ARHGAP11A: variants seen among roughly 807,000 people sequenced by gnomAD.
ARHGAP11A encodes rho GTPase-activating protein 11A.
A neutral mutation model predicts 60.5 loss-of-function variants in ARHGAP11A; 36 were observed. The observed-to-expected ratio is 0.59, with a 90% CI of 0.46 to 0.79. The LOEUF is 0.79. Among genes scored for constraint, ARHGAP11A ranks in the 30% least tolerant of loss-of-function variants. The pLI is 0.00. For missense variants in ARHGAP11A, 1,071 were observed against 1,199.2 expected (o/e 0.89, Z 1.58); for synonymous variants, 362 against 415.5 (o/e 0.87, Z 1.57).
rs1249825061 is a variant in ARHGAP11A, at chr15:32,637,102, C to T, written c.2329C>T (p.Pro777Ser). 6 of 1,613,864 alleles carry T rather than the reference C, an allele frequency of 3.7e-6. No homozygotes were observed. Among genetic ancestry groups the T allele is most frequent in the Non-Finnish European group, 8.5e-7 (1 of 1,180,044 alleles). ...STCVVTNLSKPRPMRIAKQQS... is the reference protein window; with the variant it reads ...STCVVTNLSKSRPMRIAKQQS... ...ATGTGTTGTAACAAACTTGTCAAAA[C>T]CTAGGCCTATGAGAATTGCTAAACA... is the stretch of plus-strand genomic sequence containing the variant. The change falls in exon 12 of 12, where the codon CCT (proline) becomes TCT (serine). Residue 777 changes from proline to serine, a missense_variant. By Grantham distance (74) the Pro-to-Ser change is moderately conservative. This residue lies in a region of ARHGAP11A where 776 missense variants were observed against 760.2 expected (regional missense o/e 1.02). Coordinates refer to ENST00000361627, the MANE Select transcript of ARHGAP11A (RefSeq NM_014783.6).
intron 8 of ARHGAP11A, among the ~76,000 whole-genome samples, chr15:32,630,883 T>C (rs2053569478): frequency 6.6e-6 from 1 of 151,994 alleles, no homozygotes; most frequent in Admixed American, 6.6e-5. Flanking sequence ...TTTTTTTGAA[T>C]ATATCCTTTG....
Position 32,637,725 on chromosome 15 carries a change from G to T in ARHGAP11A, c.2952G>T (p.Gly984=). The part of the protein sequence containing the change: ...VVNNNMGISS[G]INNRVLRRPS... ...ATAACAACATGGGCATTTCTTCTGG[G>T]ATAAATAACAGGGTCCTTAGGAGAC... The change falls in exon 12 of 12, where the codon GGG becomes GGT. Residue 984 remains glycine (G), a synonymous_variant. Transcript: ENST00000361627. 3.7e-6 allele frequency: 6 copies of T among 1,614,170 alleles called. No homozygotes were observed. Among genetic ancestry groups the T allele is most frequent in the Non-Finnish European group, 5.1e-6 (6 of 1,180,040 alleles).
intron 1 of ARHGAP11A, among the ~76,000 whole-genome samples, chr15:32,618,821 G>A (rs1019539168): frequency 1.4e-5 from 2 of 144,538 alleles, no homozygotes; most frequent in Admixed American, 7.1e-5. Flanking sequence ...GTGTGGTGGC[G>A]GGCGCCTGTA....
In ARHGAP11A at chr15:32,636,328, A is replaced by G. The variant is rs1383690454; in HGVS notation, c.1555A>G (p.Met519Val). 3 of 1,613,794 alleles carry G rather than the reference A, an allele frequency of 1.9e-6. No homozygotes were observed. The Admixed American group carries it at 5.0e-5, about 27-fold the overall frequency. Residue 519 changes from methionine to valine, a missense_variant, in exon 12 of 12, where the codon ATG (methionine) becomes GTG (valine). Around this residue, in one of 4 missense-constraint regions of ARHGAP11A, gnomAD observed 776 missense variants for 760.2 expected, o/e 1.02. Coordinates refer to ENST00000361627, the MANE Select transcript of ARHGAP11A (RefSeq NM_014783.6). ...PERLVGTNYRMSWTGPNNSSF... is the reference protein window; with the variant it reads ...PERLVGTNYRVSWTGPNNSSF... ...GCGACTAGTTGGAACAAATTACCGG[A>G]TGTCTTGGACAGGACCTAATAATTC...
intron 1 of ARHGAP11A, 147 bp downstream of exon 1, chr15:32,616,487 A>G: frequency 7.5e-7 from 1 of 1,329,758 alleles, no homozygotes. Flanking sequence ...GATTGCTGAT[A>G]TTTAAAAAGT....
intron 8 of ARHGAP11A, among the ~76,000 whole-genome samples, chr15:32,631,144 AC>A (rs1191436308): frequency 9.9e-5 from 15 of 152,210 alleles, no homozygotes; most frequent in Non-Finnish European, 1.9e-4. Context: ...CTTTTCTTTG[AC>A]CCTACTTTCT....
rs1218178908 is a variant in ARHGAP11A at position 32,615,675 on chromosome 15, G to C, written c.-537G>C. 1 of 152,520 alleles carries C rather than the reference G, an allele frequency of 6.6e-6. No homozygotes were observed. The highest frequency in any genetic ancestry group is 1.5e-5 in the Non-Finnish European group (1 of 68,236). 9.4% of individuals were successfully genotyped at this position (152,520 alleles called of 1,614,324 possible). On this transcript the variant is annotated 5_prime_UTR_variant, in exon 1 of 12. Coordinates refer to ENST00000361627, the MANE Select transcript of ARHGAP11A (RefSeq NM_014783.6). Reference sequence around the variant, plus strand: ...ACGGGGTGACGGCGGCTACCAGCCCGGGCGGGCACCGGGACTGGAAGAGTT... The same window carrying C: ...ACGGGGTGACGGCGGCTACCAGCCCCGGCGGGCACCGGGACTGGAAGAGTT...
chr15:32,628,639 T>C, intron 6 of ARHGAP11A, 89 bp from the exon 7 acceptor site: 22 of 992,776 alleles, frequency 2.2e-5, no homozygotes, highest in Non-Finnish European at 3.3e-5. Flanking sequence ...TAAAGTTACA[T>C]GTTGAAAGAA....
intron 3 of ARHGAP11A, 132 bp from the exon 4 acceptor site, chr15:32,624,041 G>C (rs2053397596): frequency 1.6e-6 from 1 of 617,984 alleles, no homozygotes. Context: ...AAATAAAGTA[G>C]TGACATATAT....
chr15:32,616,111 A>G lies in ARHGAP11A; in HGVS notation c.-101A>G. 1 of 1,504,478 alleles carries G rather than the reference A, an allele frequency of 6.6e-7. No homozygotes were observed. Among genetic ancestry groups the G allele is most frequent in the South Asian group, 1.4e-5 (1 of 73,472 alleles). The allele number at this position is 1,504,478 out of a possible 1,614,324, so 93.2% of individuals were successfully genotyped here. On this transcript the variant is annotated 5_prime_UTR_variant, in exon 1 of 12. Coordinates refer to ENST00000361627, the MANE Select transcript of ARHGAP11A (RefSeq NM_014783.6). ...GCCAGACGGGGCCGGAAAGCAGCCG[A>G]GCGGAGTTCAAATTTGAGAGCGTTT...
At chr15:32,619,914 C>G (rs1054766391) in intron 1 of ARHGAP11A, among the ~76,000 whole-genome samples, 194 bp from the exon 2 acceptor site, 1 of 152,092 alleles carries the variant, frequency 6.6e-6, no homozygotes, top group Non-Finnish European at 1.5e-5. Context: ...ACTCCCAGCA[C>G]TCAGCATACT....
At chr15:32,633,249 T>A (rs2053626845) in intron 9 of ARHGAP11A, 141 bp downstream of exon 9, 1 of 923,010 alleles carries the variant, frequency 1.1e-6, no homozygotes, top group South Asian at 1.9e-5. Flanking sequence ...GTCTTATTAA[T>A]CAATTGCCTT....
rs138163904 is a variant in ARHGAP11A at position 32,631,585 on chromosome 15, C to A, written c.1106-1394C>A. 7.3e-4 allele frequency among the ~76,000 whole-genome samples: 111 copies of A among 152,296 alleles called. 1 individual carries two copies. Among genetic ancestry groups the A allele is most frequent in the African/African-American group, 2.6e-3 (107 of 41,550 alleles). On this transcript the variant is annotated intron_variant, in intron 8 of 11. Transcript: ENST00000361627. ...AAAGTGCTGGGATTACAGGTGTGAG[C>A]CACCATGCCTGGCCATAATTTTCTT...
At chr15:32,628,882 T>A (rs2140462452) in intron 7 of ARHGAP11A, 80 bp downstream of exon 7, 1 of 1,037,144 alleles carries the variant, frequency 9.6e-7, no homozygotes, top group East Asian at 3.0e-5. Context: ...AATAATTACC[T>A]AACTTAGTAA....
chr15:32,628,619 T>C, intron 6 of ARHGAP11A, 109 bp from the exon 7 acceptor site: 1 of 777,054 alleles, frequency 1.3e-6, no homozygotes. Flanking sequence ...TTAAAATTTA[T>C]AAGCCGATGT....
At chr15:32,625,391 A>G in intron 5 of ARHGAP11A, 96 bp from the exon 6 acceptor site, 5 of 1,516,174 alleles carry the variant, frequency 3.3e-6, no homozygotes, top group Non-Finnish European at 4.4e-6. Flanking sequence ...CTGCAAAGAA[A>G]AAAAGAAAAG....
At chr15:32,625,935 T>C (rs952797642) in intron 6 of ARHGAP11A, among the ~76,000 whole-genome samples, 3 of 151,918 alleles carry the variant, frequency 2.0e-5, no homozygotes, top group Non-Finnish European at 2.9e-5. Context: ...TTAGTGGGAT[T>C]GGGTGGAGGA....
chr15:32,624,293 G>T lies in ARHGAP11A; in HGVS notation c.418G>T (p.Ala140Ser), dbSNP rs1396858491. 1 of 1,613,778 alleles carries T rather than the reference G, an allele frequency of 6.2e-7. No individual in the cohort carries two copies. Among genetic ancestry groups the T allele is most frequent in the East Asian group, 2.2e-5 (1 of 44,850 alleles). The stretch of plus-strand genomic sequence containing the variant: ...CATTCTCCCAGCTGATTTGCATGAA[G>T]CACTTTTGAAAGCTCAACAGTTAGG... ...EPILPADLHE[A>S]LLKAQQLGTE... Residue 140 changes from alanine (A) to serine (S), a missense_variant, in exon 4 of 12, where the codon GCA becomes TCA. Transcript: ENST00000361627.
At chr15:32,626,806 C>G (rs1450118214) in intron 6 of ARHGAP11A, among the ~76,000 whole-genome samples, 2 of 152,248 alleles carry the variant, frequency 1.3e-5, no homozygotes, top group African/African-American at 2.4e-5. Context: ...CCGCGTCACT[C>G]CAATCCCTGC....
Sources: allele counts gnomAD v4.1 joint callset (sites outside exome capture counted in the v4.1 genomes callset), GRCh38; gene constraint gnomAD v4.1.1; regional missense constraint gnomAD v4.1.1; transcripts MANE v1.5; gene names NCBI Gene and HGNC (gene_info 2026-07-23, HGNC 2026-07-21).